PSD3: variants seen among roughly 807,000 people sequenced by gnomAD.
PSD3 encodes PH and SEC7 domain-containing protein 3.
PSD3 carries 49 observed loss-of-function variants against 105.5 expected under a neutral mutation model. The ratio of observed to expected loss-of-function variants is 0.46; its 90% CI spans 0.37 to 0.59. The LOEUF (loss-of-function observed/expected upper bound fraction) is 0.59. Among genes scored for constraint, PSD3 ranks in the 20% least tolerant of loss-of-function variants. The pLI is 0.00. For synonymous variants in PSD3, 557 were observed against 457.8 expected (o/e 1.22, Z -2.77); for missense variants, 1,561 against 1,263.8 (o/e 1.24, Z -3.57).
intron 1 of PSD3, among the ~76,000 whole-genome samples, chr8:19,044,320 ACCTTTGATTATATAATTGC>A (rs1430620475): frequency 6.6e-6 from 1 of 152,058 alleles, no homozygotes; most frequent in Non-Finnish European, 1.5e-5. Context: ...GCCAGCCTGT[ACCTTTGATTATATAATTGC>A]CCTTTCCTGA....
intron 15 of PSD3, among the ~76,000 whole-genome samples, chr8:18,539,835 C>G (rs1365781050): frequency 1.3e-5 from 2 of 152,026 alleles, no homozygotes; most frequent in East Asian, 3.9e-4. Context: ...CGTGAGGCAC[C>G]ACACTCGGCC....
rs1808831128 is a variant in PSD3 at position 18,655,628 on chromosome 8, T to A, written c.2216+14A>T. ...GTAGTTCATTATTAAAAGGCTGACG[T>A]CCAGCACACTTACACTGCCCATTCA... On this transcript the variant is annotated intron_variant, in intron 10 of 15. Transcript: ENST00000327040. 6.2e-7 allele frequency: 1 copy of A among 1,612,934 alleles called. No individual in the cohort carries two copies. Among genetic ancestry groups the A allele is most frequent in the African/African-American group, 1.3e-5 (1 of 74,892 alleles).
intron 13 of PSD3, 44 bp from the exon 14 acceptor site, chr8:18,572,716 A>C (rs1047511235): frequency 6.9e-6 from 11 of 1,589,532 alleles, no homozygotes; most frequent in Non-Finnish European, 9.5e-6. Context: ...TGCCATGTCT[A>C]AGTAGCATCA....
chr8:18,586,096 C>T (rs1167502574), intron 12 of PSD3, among the ~76,000 whole-genome samples: 1 of 152,102 alleles, frequency 6.6e-6, no homozygotes, highest in Non-Finnish European at 1.5e-5. Flanking sequence ...GTTCAGGAGG[C>T]ATGCAACATA....
chr8:18,861,980 T>C (rs549763609), intron 4 of PSD3, among the ~76,000 whole-genome samples: 7 of 152,124 alleles, frequency 4.6e-5, no homozygotes, highest in Admixed American at 3.9e-4. Context: ...CTGTGCTTCA[T>C]AGACAGAAAG....
intron 2 of PSD3, among the ~76,000 whole-genome samples, chr8:18,877,894 G>A (rs1225469758): frequency 6.6e-6 from 1 of 152,194 alleles, no homozygotes; most frequent in African/African-American, 2.4e-5. Flanking sequence ...TAGCTTTGCA[G>A]TAAGTGAAAT....
intron 14 of PSD3, among the ~76,000 whole-genome samples, chr8:18,569,500 C>A (rs1057126731): frequency 1.8e-4 from 26 of 148,086 alleles, no homozygotes; most frequent in African/African-American, 5.8e-4. Context: ...AACTCCCATT[C>A]ACAATTGCTT....
chr8:18,970,850 G>A lies in PSD3; in HGVS notation c.22-34708C>T, dbSNP rs191847643. 2.6e-3 allele frequency among the ~76,000 whole-genome samples: 398 copies of A among 151,962 alleles called. 1 individual carries two copies. Among genetic ancestry groups the A allele is most frequent in the Admixed American group, 6.6e-3 (100 of 15,248 alleles). On this transcript the variant is annotated intron_variant, in intron 1 of 15. Transcript: ENST00000327040. Reference sequence around the variant, plus strand: ...TGCACCTGTAGTACCAACTACTTGGGAGGCTGTAGTCCCAACTACTTGGGA... The same window carrying A: ...TGCACCTGTAGTACCAACTACTTGGAAGGCTGTAGTCCCAACTACTTGGGA...
chr8:18,600,029 C>T (rs545689600), intron 12 of PSD3, among the ~76,000 whole-genome samples: 28 of 152,214 alleles, frequency 1.8e-4, no homozygotes, highest in South Asian at 4.1e-4. Context: ...ACAAACACTG[C>T]GATAGCTGGA....
chr8:19,050,661 G>A (rs1481211782), intron 1 of PSD3, among the ~76,000 whole-genome samples: 3 of 152,110 alleles, frequency 2.0e-5, no homozygotes, highest in African/African-American at 7.2e-5. Context: ...ACAGGAAGGG[G>A]AACATCACAC....
At chr8:18,632,939 C>G in intron 10 of PSD3, 133 bp from the exon 11 acceptor site, 1 of 680,094 alleles carries the variant, frequency 1.5e-6, no homozygotes, top group African/African-American at 1.8e-5. Context: ...ATGATAATGA[C>G]AGACACCATT....
chr8:18,731,824 A>C (rs1803771906), intron 9 of PSD3, among the ~76,000 whole-genome samples: 1 of 151,832 alleles, frequency 6.6e-6, no homozygotes, highest in Admixed American at 6.6e-5. Flanking sequence ...CACATTGCAA[A>C]CTCTCCTTGG....
chr8:18,935,261 T>C (rs563954132), intron 2 of PSD3, among the ~76,000 whole-genome samples: 5 of 152,260 alleles, frequency 3.3e-5, no homozygotes, highest in Admixed American at 2.0e-4. Context: ...ATAACTAGAT[T>C]AGGCCAATAC....
At chr8:18,823,856 G>C (rs1425255206) in intron 4 of PSD3, among the ~76,000 whole-genome samples, 3 of 151,484 alleles carry the variant, frequency 2.0e-5, no homozygotes, top group African/African-American at 7.3e-5. Flanking sequence ...ACGCTGACAA[G>C]GCGGCCTAGA....
At chr8:18,900,165 A>G (rs563881382) in intron 2 of PSD3, among the ~76,000 whole-genome samples, 48 of 152,238 alleles carry the variant, frequency 3.2e-4, no homozygotes, top group Non-Finnish European at 5.9e-4. Flanking sequence ...AAAATTATCG[A>G]ACCATCTTTT....
chr8:18,662,114 A>T (rs1809391596), intron 9 of PSD3, among the ~76,000 whole-genome samples: 1 of 152,158 alleles, frequency 6.6e-6, no homozygotes, highest in African/African-American at 2.4e-5. Flanking sequence ...ACCCAGTCAC[A>T]GTCCCAAAAC....
In PSD3 at chr8:18,872,183, T is replaced by G. The variant is rs146346203; in HGVS notation, c.681A>C (p.Ala227=). The G allele has an allele frequency of 4.0e-5, 64 of 1,614,218 alleles. No individual in the cohort carries two copies. The East Asian group carries it at 1.4e-3, about 36-fold the overall frequency. The change falls in exon 3 of 16, where the codon GCA becomes GCC. Residue 227 remains alanine, a synonymous_variant. Transcript: ENST00000327040. The part of the protein sequence containing the change: ...LTALLTGDTQ[A]EISQIMNNGR... The stretch of plus-strand genomic sequence containing the variant: ...CATTATTCATTATCTGGGAAATCTC[T>G]GCCTGAGTGTCTCCAGTTAACAGCG...
At chr8:18,912,320 T>C (rs73202150) in intron 2 of PSD3, among the ~76,000 whole-genome samples, 32,394 of 152,152 alleles carry the variant, frequency 0.21, 4,407 homozygotes, top group Non-Finnish European at 0.3. Flanking sequence ...CTAGCAGGAA[T>C]ATCCTTCAGG....
chr8:18,635,556 GC>G (rs1218960067), intron 10 of PSD3, among the ~76,000 whole-genome samples: 1 of 151,950 alleles, frequency 6.6e-6, no homozygotes, highest in Non-Finnish European at 1.5e-5. Context: ...CTGTAAAACA[GC>G]CTCAGGCAGG....
Sources: allele counts gnomAD v4.1 joint callset (sites outside exome capture counted in the v4.1 genomes callset), GRCh38; gene constraint gnomAD v4.1.1; transcripts MANE v1.5; gene names NCBI Gene and HGNC (gene_info 2026-07-23, HGNC 2026-07-21).